SPTB: variants seen among roughly 807,000 people sequenced by gnomAD.
SPTB encodes spectrin beta chain, erythrocytic.
SPTB carries 45 observed loss-of-function variants against 256.2 expected under a neutral mutation model. The observed-to-expected ratio is 0.18, with a 90% CI of 0.14 to 0.23. The LOEUF is 0.23. SPTB is among the 10% of genes least tolerant of loss of function. The probability of loss-of-function intolerance (pLI) is 1.00; values close to 1 mark genes in which losing one functional copy is unlikely to be tolerated. For synonymous variants in SPTB, 1,231 were observed against 1,243.1 expected (o/e 0.99, Z 0.21); for missense variants, 2,715 against 3,040.4 (o/e 0.89, Z 2.52).
chr14:64,859,087 C>T (rs1389812972), intron 1 of SPTB, among the ~76,000 whole-genome samples: 1 of 151,460 alleles, frequency 6.6e-6, no homozygotes, highest in East Asian at 2.0e-4. Context: ...GGCAAAACCC[C>T]ATCTCTACAC....
Position 64,792,017 on chromosome 14 carries a change from GC to G in SPTB, c.2667-162del, listed in dbSNP as rs1156520246. Reference sequence around the variant, plus strand: ...CAGGAGGAAGAAAACAGATATGCTGGCCCTCCTTTCTGGTTCATGGGTTTGA... The same window carrying G: ...CAGGAGGAAGAAAACAGATATGCTGGCCTCCTTTCTGGTTCATGGGTTTGA... On this transcript the variant is annotated intron_variant, in intron 14 of 35. Coordinates refer to ENST00000644917, the MANE Select transcript of SPTB (RefSeq NM_001355436.2). The surrounding 1 kb of genome is among the most constrained non-coding windows in gnomAD (Gnocchi z 4.2). 2.0e-5 allele frequency among the ~76,000 whole-genome samples: 3 copies of G among 152,206 alleles called. No individual in the cohort carries two copies. The highest frequency in any genetic ancestry group is 2.0e-4 in the Admixed American group (3 of 15,274).
At chr14:64,854,268 C>A (rs1407693300) in intron 1 of SPTB, among the ~76,000 whole-genome samples, 2 of 132,900 alleles carry the variant, frequency 1.5e-5, no homozygotes, top group African/African-American at 2.7e-5. Context: ...AATAGTTTTC[C>A]AAACTCTTTT....
At chr14:64,832,510 C>T (rs193267866) in intron 1 of SPTB, among the ~76,000 whole-genome samples, 1 of 152,274 alleles carries the variant, frequency 6.6e-6, no homozygotes, top group East Asian at 1.9e-4. Flanking sequence ...ACACACTGTT[C>T]CTAGGCTATT....
In SPTB at chr14:64,753,741, C is replaced by T; in HGVS notation, c.6398G>A (p.Gly2133Asp). The change falls in exon 33 of 36, where the codon GGT (glycine) becomes GAT (aspartate). Residue 2133 changes from glycine (G) to aspartate (D), a missense_variant. Around this residue, in one of 4 missense-constraint regions of SPTB, gnomAD observed 2,239 missense variants for 2,384.4 expected, o/e 0.94. Transcript: ENST00000644917. ...GGATTTCTGCCCATCCTTGTGCTGA[C>T]CCGGCGGTGGTGGCTGCTGCAGGTT... ...PQNLQQPPPP[G>D]QHKDGQKSTG... The T allele has an allele frequency of 3.1e-6, 5 of 1,613,604 alleles. No homozygotes were observed. Among genetic ancestry groups the T allele is most frequent in the Non-Finnish European group, 3.4e-6 (4 of 1,180,014 alleles).
intron 1 of SPTB, among the ~76,000 whole-genome samples, chr14:64,876,329 A>C (rs1409933436): frequency 1.3e-5 from 2 of 151,950 alleles, no homozygotes; most frequent in African/African-American, 4.8e-5. Context: ...TTTAGTAGAG[A>C]TAGGTTTGGC....
At chr14:64,761,957 G>A (rs901296055) in intron 32 of SPTB, among the ~76,000 whole-genome samples, 4 of 152,154 alleles carry the variant, frequency 2.6e-5, no homozygotes. Context: ...AGGATGTTCT[G>A]AAACACAGCT....
chr14:64,872,409 A>G (rs1373121764), intron 1 of SPTB, among the ~76,000 whole-genome samples: 1 of 152,184 alleles, frequency 6.6e-6, no homozygotes, highest in African/African-American at 2.4e-5. Flanking sequence ...GTGCCCCACA[A>G]TCAATCCTCC....
chr14:64,765,915 GGTGT>G (rs1370485710), intron 32 of SPTB, among the ~76,000 whole-genome samples: 2 of 149,794 alleles, frequency 1.3e-5, no homozygotes, highest in Admixed American at 6.6e-5. Flanking sequence ...GTGGGGGTGT[GGTGT>G]GTATGAGTGT....
Position 64,793,893 on chromosome 14 carries a change from C to T in SPTB, c.1796-26G>A, listed in dbSNP as rs1191241900. Reference sequence around the variant, plus strand: ...CTGGAAGAAATAGGGGGAAGGAGGACAAAGTGGGGGATGGGCTTCATTTAT... The same window carrying T: ...CTGGAAGAAATAGGGGGAAGGAGGATAAAGTGGGGGATGGGCTTCATTTAT... On this transcript the variant is annotated intron_variant, in intron 13 of 35. Coordinates refer to ENST00000644917, the MANE Select transcript of SPTB (RefSeq NM_001355436.2). The surrounding 1 kb of genome is among the most constrained non-coding windows in gnomAD (Gnocchi z 7.0). 6.3e-7 allele frequency: 1 copy of T among 1,584,858 alleles called. No homozygotes were observed. Among genetic ancestry groups the T allele is most frequent in the South Asian group, 1.1e-5 (1 of 89,140 alleles).
rs1225684408 is a variant in SPTB, at chr14:64,823,440, C to T, written c.-51-295G>A. ...TCGCAGCCAGCTGCTTCCTCCAGAC[C>T]AGCCGCCCCGCCGCGGGGAGCACCC... On this transcript the variant is annotated intron_variant, in intron 1 of 35. Coordinates refer to ENST00000644917, the MANE Select transcript of SPTB (RefSeq NM_001355436.2). The surrounding 1 kb of genome is among the most constrained non-coding windows in gnomAD (Gnocchi z 6.5). 1.3e-5 allele frequency among the ~76,000 whole-genome samples: 2 copies of T among 152,180 alleles called. No individual in the cohort carries two copies. Among genetic ancestry groups the T allele is most frequent in the Admixed American group, 6.5e-5 (1 of 15,282 alleles).
At position 64,772,154 on chromosome 14, in the gene SPTB, A is replaced by G. The variant is rs1008514166; in HGVS notation, c.5553+426T>C. On this transcript the variant is annotated intron_variant, in intron 26 of 35. Transcript: ENST00000644917. This position sits in a 1 kb window ranked among gnomAD's most constrained non-coding sequence, Gnocchi z 5.4. ...AGCCCTGGCTCCACTTCGTACCTAC[A>G]TGTTCCTGGGAAACTTATGGGTCTT... 6.6e-6 allele frequency among the ~76,000 whole-genome samples: 1 copy of G among 152,244 alleles called. No homozygotes were observed. The highest frequency in any genetic ancestry group is 1.5e-5 in the Non-Finnish European group (1 of 68,012).
chr14:64,848,050 CTT>C (rs2083720667), intron 1 of SPTB, among the ~76,000 whole-genome samples: 1 of 152,196 alleles, frequency 6.6e-6, no homozygotes, highest in Non-Finnish European at 1.5e-5. Context: ...CCATGGCCCT[CTT>C]TGATTATCTC....
Position 64,786,923 on chromosome 14 carries a change from C to G in SPTB, c.3042G>C (p.Leu1014=). Residue 1014 remains leucine, a synonymous_variant, in exon 16 of 36, where the codon CTG becomes CTC. Coordinates refer to ENST00000644917, the MANE Select transcript of SPTB (RefSeq NM_001355436.2). This position sits in a 1 kb window ranked among gnomAD's most constrained non-coding sequence, Gnocchi z 5.6. ...VAAIQARVDA[L]ERESQQLMDS... ...CCATCAGCTGCTGGGACTCACGCTC[C>G]AGGGCATCCACACGGGCCTGGATGG... 1 of 1,613,460 alleles carries G rather than the reference C, an allele frequency of 6.2e-7. No homozygotes were observed. The highest frequency in any genetic ancestry group is 8.5e-7 in the Non-Finnish European group (1 of 1,180,040).
rs111610896 is a variant in SPTB at position 64,807,603 on chromosome 14, T to C, written c.149-2513A>G. Among the ~76,000 whole-genome samples, 10 of 152,348 alleles carry C rather than the reference T, an allele frequency of 6.6e-5. 1 individual carries two copies. The highest frequency in any genetic ancestry group is 2.4e-4 in the African/African-American group (10 of 41,584). Reference sequence around the variant, plus strand: ...GAGACACAGAAAGATTTCGAGAGGCTAATGATGATTGGAAGGGGAGAAAAG... The same window carrying C: ...GAGACACAGAAAGATTTCGAGAGGCCAATGATGATTGGAAGGGGAGAAAAG... On this transcript the variant is annotated intron_variant, in intron 2 of 35. Coordinates refer to ENST00000644917, the MANE Select transcript of SPTB (RefSeq NM_001355436.2). The surrounding 1 kb of genome is among the most constrained non-coding windows in gnomAD (Gnocchi z 4.7).
chr14:64,754,738 G>T (rs1411684913), intron 32 of SPTB: 1 of 152,256 alleles, frequency 6.6e-6, no homozygotes, highest in Non-Finnish European at 1.5e-5. Flanking sequence ...TGACATACAG[G>T]TGCCCACGAG....
In SPTB at chr14:64,852,885, G is replaced by A. The variant is rs966078221; in HGVS notation, c.-52+26907C>T. On this transcript the variant is annotated intron_variant, in intron 1 of 35. Coordinates refer to ENST00000644917, the MANE Select transcript of SPTB (RefSeq NM_001355436.2). This position sits in a 1 kb window ranked among gnomAD's most constrained non-coding sequence, Gnocchi z 4.2. ...CTGCTCTCGTGGTACTTTCAGTCCA[G>A]CAAGGAAGACAAATAGCCAGTGAAT... 2.0e-4 allele frequency among the ~76,000 whole-genome samples: 30 copies of A among 152,284 alleles called. No individual in the cohort carries two copies. Among genetic ancestry groups the A allele is most frequent in the African/African-American group, 6.7e-4 (28 of 41,546 alleles).
chr14:64,814,663 G>A (rs1367878179), intron 2 of SPTB, among the ~76,000 whole-genome samples: 1 of 152,076 alleles, frequency 6.6e-6, no homozygotes, highest in East Asian at 1.9e-4. Flanking sequence ...TCACAGGCAT[G>A]TGCCACCACA....
At chr14:64,869,553 T>C (rs1882398688) in intron 1 of SPTB, among the ~76,000 whole-genome samples, 1 of 151,010 alleles carries the variant, frequency 6.6e-6, no homozygotes, top group African/African-American at 2.4e-5. Flanking sequence ...CAAGCAATCC[T>C]CTGGCCTCAG....
rs934837886 is a variant in SPTB, at chr14:64,795,240, G to T, written c.1644+97C>A. The T allele has an allele frequency of 6.5e-6, 9 of 1,393,460 alleles. No homozygotes were observed. The highest frequency in any genetic ancestry group is 2.3e-5 in the East Asian group (1 of 43,292). The allele number at this position is 1,393,460 out of a possible 1,614,324, so 86.3% of individuals were successfully genotyped here. A position where few individuals can be genotyped will look rare whatever the true frequency, so the allele number is the denominator to read the frequency against. Reference sequence around the variant, plus strand: ...CTATTTTGACTCAGAGATATGACTGGCTGGGAGGTGTCTAAGGAAGCCTAT... The same window carrying T: ...CTATTTTGACTCAGAGATATGACTGTCTGGGAGGTGTCTAAGGAAGCCTAT... On this transcript the variant is annotated intron_variant, in intron 12 of 35. Transcript: ENST00000644917. The surrounding 1 kb of genome is among the most constrained non-coding windows in gnomAD (Gnocchi z 6.5).
Sources: gnomAD v4.1 joint callset for allele counts (sites outside exome capture counted in the v4.1 genomes callset) on GRCh38, gnomAD v4.1.1 for gene constraint, gnomAD v4.1.1 regional missense constraint, Gnocchi (gnomAD v3.1) non-coding constraint, MANE v1.5 for transcripts, NCBI Gene and HGNC (gene_info 2026-07-23, HGNC 2026-07-21) for gene names.